CNTNAP4: variants seen among roughly 807,000 people sequenced by gnomAD.
CNTNAP4 encodes contactin-associated protein-like 4.
A neutral mutation model predicts 148.4 loss-of-function variants in CNTNAP4; 98 were observed. The ratio of observed to expected loss-of-function variants is 0.66; its 90% CI spans 0.56 to 0.78. CNTNAP4 has a LOEUF of 0.78. Ranked by LOEUF, CNTNAP4 falls within the 30% of genes least tolerant of loss-of-function variation. CNTNAP4 has a pLI of 0.00. For missense variants in CNTNAP4, 1,935 were observed against 1,565.6 expected, an observed-to-expected ratio of 1.24 and a Z score of -3.98; for synonymous variants, 730 against 565.1, an observed-to-expected ratio of 1.29 and a Z score of -4.14.
At chr16:76,300,810 C>T (rs1324728556) in intron 1 of CNTNAP4, among the ~76,000 whole-genome samples, 4 of 152,072 alleles carry the variant, frequency 2.6e-5, no homozygotes, top group Non-Finnish European at 5.9e-5. Flanking sequence ...TTCATGTCTT[C>T]ATCGATAAAC....
At chr16:76,536,869 CTTTA>C (rs756793813) in intron 18 of CNTNAP4, among the ~76,000 whole-genome samples, 1 of 152,114 alleles carries the variant, frequency 6.6e-6, no homozygotes. Flanking sequence ...AATTCATTTA[CTTTA>C]TTTAAAGTGT....
chr16:76,474,018 T>C (rs1009921719), intron 10 of CNTNAP4, among the ~76,000 whole-genome samples: 1 of 152,186 alleles, frequency 6.6e-6, no homozygotes, highest in African/African-American at 2.4e-5. Flanking sequence ...CCTGTCTCAG[T>C]AACTGTTTGC....
At chr16:76,363,937 C>A (rs748787603) in intron 3 of CNTNAP4, among the ~76,000 whole-genome samples, 4 of 151,886 alleles carry the variant, frequency 2.6e-5, no homozygotes, top group Admixed American at 6.6e-5. Context: ...TATATTGGAG[C>A]TTTACCTTAA....
chr16:76,496,262 A>G (rs1290358503), intron 14 of CNTNAP4, among the ~76,000 whole-genome samples: 2 of 152,122 alleles, frequency 1.3e-5, no homozygotes, highest in African/African-American at 4.8e-5. Flanking sequence ...ATACCTACAC[A>G]GTAATACTGT....
At chr16:76,363,189 C>G (rs984770215) in intron 3 of CNTNAP4, among the ~76,000 whole-genome samples, 4 of 145,502 alleles carry the variant, frequency 2.7e-5, no homozygotes, top group Non-Finnish European at 4.5e-5. Context: ...GAGTTGGAGT[C>G]TCACTCTTGC....
intron 2 of CNTNAP4, among the ~76,000 whole-genome samples, chr16:76,340,662 A>G (rs1310217372): frequency 6.6e-6 from 1 of 152,288 alleles, no homozygotes; most frequent in East Asian, 1.9e-4. Flanking sequence ...CTATGTGCCA[A>G]CACCTATTCT....
intron 7 of CNTNAP4, 78 bp from the exon 8 acceptor site, chr16:76,452,430 G>C: frequency 6.9e-7 from 1 of 1,457,262 alleles, no homozygotes; most frequent in Non-Finnish European, 9.5e-7. Flanking sequence ...ATGTGAGATT[G>C]AAAAGCAGCC....
rs552333604 is a variant in CNTNAP4 at position 76,358,609 on chromosome 16, T to C, written c.390+3098T>C. On this transcript the variant is annotated intron_variant, in intron 3 of 23. Coordinates refer to ENST00000611870, the MANE Select transcript of CNTNAP4 (RefSeq NM_033401.5). Reference sequence around the variant, plus strand: ...GTGAAAAAAGCATGGACATTGGGGATATCCAGAGTTATGGTTTCCTGTGTA... The same window carrying C: ...GTGAAAAAAGCATGGACATTGGGGACATCCAGAGTTATGGTTTCCTGTGTA... 2.0e-5 allele frequency among the ~76,000 whole-genome samples: 3 copies of C among 152,344 alleles called. No individual in the cohort carries two copies. In the South Asian group the frequency reaches 6.2e-4, roughly 32 times the overall value.
At chr16:76,530,790 C>G (rs779749724) in intron 17 of CNTNAP4, among the ~76,000 whole-genome samples, 1 of 152,172 alleles carries the variant, frequency 6.6e-6, no homozygotes, top group African/African-American at 2.4e-5. Flanking sequence ...AAGAACATTG[C>G]GTGACAAACT....
intron 2 of CNTNAP4, among the ~76,000 whole-genome samples, chr16:76,347,366 A>G (rs72628204): frequency 0.19 from 28,364 of 152,138 alleles, 3,441 homozygotes; most frequent in East Asian, 0.47. Context: ...AGCACCTACT[A>G]TGTGTCCAGC....
At chr16:76,435,278 G>T (rs1321588975) in intron 4 of CNTNAP4, among the ~76,000 whole-genome samples, 1 of 152,108 alleles carries the variant, frequency 6.6e-6, no homozygotes, top group Non-Finnish European at 1.5e-5. Context: ...TATAAATTAA[G>T]CAGGAGTGCA....
At chr16:76,522,687 C>CTTTTTCT (rs201677733) in intron 17 of CNTNAP4, among the ~76,000 whole-genome samples, 1 of 30,122 alleles carries the variant, frequency 3.3e-5, no homozygotes, top group Non-Finnish European at 6.6e-5. Flanking sequence ...TCTTTCTCTC[C>CTTTTTCT]TTTCTTTTCT....
chr16:76,417,220 T>C (rs1225700593), intron 3 of CNTNAP4, among the ~76,000 whole-genome samples: 1 of 151,508 alleles, frequency 6.6e-6, no homozygotes, highest in Admixed American at 6.6e-5. Flanking sequence ...ATTGATATAT[T>C]TGAATTAATA....
chr16:76,452,740 C>T lies in CNTNAP4; in HGVS notation c.1304C>T (p.Pro435Leu). 1.2e-6 allele frequency: 2 copies of T among 1,600,252 alleles called. No homozygotes were observed. Among genetic ancestry groups the T allele is most frequent in the Non-Finnish European group, 8.5e-7 (1 of 1,172,514 alleles). Residue 435 changes from proline (P) to leucine (L), a missense_variant, in exon 8 of 24, where the codon CCA becomes CTA. Physicochemically the swap from Pro to Leu is moderately conservative, Grantham distance 98 (BLOSUM62 -3). Transcript: ENST00000611870. ...AAACTTAAGTCGAATCTCTACCAGC[C>T]AGGAAAATTACCCAGTGACATCACA... The part of the protein sequence containing the change: ...DGKLKSNLYQ[P>L]GKLPSDITAG...
At chr16:76,408,079 A>G (rs977304148) in intron 3 of CNTNAP4, among the ~76,000 whole-genome samples, 2 of 152,084 alleles carry the variant, frequency 1.3e-5, no homozygotes, top group Non-Finnish European at 2.9e-5. Context: ...GCAATCAAGT[A>G]TTTTAAAATT....
intron 2 of CNTNAP4, among the ~76,000 whole-genome samples, chr16:76,342,914 AG>A (rs959635488): frequency 2.6e-5 from 4 of 152,204 alleles, no homozygotes; most frequent in African/African-American, 9.6e-5. Context: ...GCTTATCAAA[AG>A]TATTTGCTTT....
In CNTNAP4 at chr16:76,449,878, G is replaced by T. The variant is rs1467240927; in HGVS notation, c.1071+20G>T. ...GCTATGGTGAGAGTCTTTATGCGAAGACATTAGTAAAACTATATTTCTTTT... is the reference window on the plus strand; with the variant it reads ...GCTATGGTGAGAGTCTTTATGCGAATACATTAGTAAAACTATATTTCTTTT... On this transcript the variant is annotated intron_variant, in intron 7 of 23. Coordinates refer to ENST00000611870, the MANE Select transcript of CNTNAP4 (RefSeq NM_033401.5). 1 of 1,579,094 alleles carries T rather than the reference G, an allele frequency of 6.3e-7. No homozygotes were observed. The highest frequency in any genetic ancestry group is 1.9e-5 in the Admixed American group (1 of 52,942).
intron 17 of CNTNAP4, among the ~76,000 whole-genome samples, chr16:76,522,543 C>A (rs755923220): frequency 1.3e-5 from 2 of 151,858 alleles, no homozygotes; most frequent in Non-Finnish European, 2.9e-5. Context: ...TAACTAATTC[C>A]TATTTGCCTG....
Position 76,522,056 on chromosome 16 carries a change from T to G in CNTNAP4, c.2554T>G (p.Phe852Val). 1 of 1,613,930 alleles carries G rather than the reference T, an allele frequency of 6.2e-7. No individual in the cohort carries two copies. The highest frequency in any genetic ancestry group is 8.5e-7 in the Non-Finnish European group (1 of 1,179,820). ...ATTTCCAGCTCCGACAGTAGTGACT[T>G]TTTCATTTGATGTGGGGAATGGGCC... ...IELRSPTVVT[F>V]SFDVGNGPFE... The change falls in exon 17 of 24, where the codon TTT becomes GTT. Residue 852 changes from phenylalanine to valine, a missense_variant. Physicochemically the swap from Phe to Val is conservative, Grantham distance 50 (BLOSUM62 -1). Coordinates refer to ENST00000611870, the MANE Select transcript of CNTNAP4 (RefSeq NM_033401.5).
Sources: allele counts gnomAD v4.1 joint callset (sites outside exome capture counted in the v4.1 genomes callset), GRCh38; gene constraint gnomAD v4.1.1; transcripts MANE v1.5; gene names NCBI Gene and HGNC (gene_info 2026-07-23, HGNC 2026-07-21).